The following NRG2 variants were observed in gnomAD, a reference collection of about 807,000 sequenced individuals.
NRG2 encodes the protein neuregulin 2, also known as pro-neuregulin-2, membrane-bound isoform.
Under a neutral mutation model 73.9 loss-of-function variants are expected in NRG2, and 27 were observed. The observed-to-expected ratio is 0.37, with a 90% CI of 0.27 to 0.50. NRG2 has a LOEUF of 0.50. NRG2 is among the 20% of genes least tolerant of loss of function. NRG2 has a pLI of 0.96. For synonymous variants in NRG2, 532 were observed against 541.0 expected, an observed-to-expected ratio of 0.98 and a Z score of 0.23; for missense variants, 1,126 against 1,210.1, an observed-to-expected ratio of 0.93 and a Z score of 1.03.
intron 2 of NRG2, among the ~76,000 whole-genome samples, chr5:139,883,000 C>T (rs899599863): frequency 6.6e-6 from 1 of 152,028 alleles, no homozygotes; most frequent in Non-Finnish European, 1.5e-5. Context: ...GAAGCCGGCC[C>T]CAGAGATGCA....
At chr5:139,874,071 C>T (rs1456474338) in intron 3 of NRG2, among the ~76,000 whole-genome samples, 1 of 152,214 alleles carries the variant, frequency 6.6e-6, no homozygotes, top group African/African-American at 2.4e-5. Flanking sequence ...TCTGTAATGG[C>T]AGGGCCTTCC....
chr5:139,977,323 A>T (rs1756452148), intron 1 of NRG2, among the ~76,000 whole-genome samples: 1 of 152,200 alleles, frequency 6.6e-6, no homozygotes, highest in South Asian at 2.1e-4. Context: ...GAGGGGAATG[A>T]TTATGAACCA....
intron 1 of NRG2, among the ~76,000 whole-genome samples, chr5:140,015,559 G>A (rs909592154): frequency 1.1e-4 from 16 of 152,186 alleles, no homozygotes; most frequent in African/African-American, 3.9e-4. Flanking sequence ...GAAAATGAAT[G>A]AGGTAGGACT....
At chr5:139,858,412 C>T (rs1401838939) in intron 5 of NRG2, among the ~76,000 whole-genome samples, 1 of 152,222 alleles carries the variant, frequency 6.6e-6, no homozygotes, top group Non-Finnish European at 1.5e-5. Context: ...GCTACACTAG[C>T]ACCCCACTCC....
At chr5:139,957,462 G>C (rs571227741) in intron 1 of NRG2, among the ~76,000 whole-genome samples, 1 of 152,172 alleles carries the variant, frequency 6.6e-6, no homozygotes, top group Non-Finnish European at 1.5e-5. Flanking sequence ...AGGTAAGGCA[G>C]CTGGGAAGGA....
intron 4 of NRG2, among the ~76,000 whole-genome samples, chr5:139,867,801 A>T (rs71587297): frequency 0.026 from 2,045 of 78,688 alleles, 12 homozygotes; most frequent in South Asian, 0.049. Flanking sequence ...TGTGTGTATG[A>T]GTGTGTGTGT....
At chr5:139,854,722 C>T (rs1211762082) in intron 6 of NRG2, among the ~76,000 whole-genome samples, 1 of 152,214 alleles carries the variant, frequency 6.6e-6, no homozygotes, top group Non-Finnish European at 1.5e-5. Context: ...TCTGTCCAGT[C>T]CAGACCCTTG....
chr5:139,926,781 G>A (rs1752091225), intron 1 of NRG2, among the ~76,000 whole-genome samples: 1 of 152,090 alleles, frequency 6.6e-6, no homozygotes, highest in African/African-American at 2.4e-5. Flanking sequence ...CTTTCCTGTT[G>A]TCTTGTTTGG....
chr5:139,960,367 T>C (rs1754968591), intron 1 of NRG2, among the ~76,000 whole-genome samples: 1 of 152,048 alleles, frequency 6.6e-6, no homozygotes, highest in Non-Finnish European at 1.5e-5. Flanking sequence ...ATATAAAAAT[T>C]AGCTGGGCAC....
chr5:139,889,771 G>T (rs980709126), intron 1 of NRG2, among the ~76,000 whole-genome samples: 6 of 152,110 alleles, frequency 3.9e-5, no homozygotes, highest in Non-Finnish European at 7.4e-5. Flanking sequence ...TTTCAATCCA[G>T]ACTTTGCTAC....
In NRG2 at chr5:139,847,862, C is replaced by G. The variant is rs1581752178; in HGVS notation, c.*55G>C. The G allele has an allele frequency of 2.6e-6, 3 of 1,141,860 alleles. No individual in the cohort carries two copies. 70.7% of individuals were successfully genotyped at this position (1,141,860 alleles called of 1,614,324 possible). On this transcript the variant is annotated 3_prime_UTR_variant, in exon 10 of 10. Coordinates refer to ENST00000361474, the MANE Select transcript of NRG2 (RefSeq NM_004883.3). ...CTCCTTTCTCTCCAGTAGGCGGTCT[C>G]TGGTCTCCTTAAAGATAGTGGGGCG...
At chr5:140,035,931 T>C (rs551081003) in intron 1 of NRG2, among the ~76,000 whole-genome samples, 40 of 152,332 alleles carry the variant, frequency 2.6e-4, no homozygotes, top group Non-Finnish European at 5.3e-4. Context: ...TCTGCGTTGC[T>C]TGCAGAATAC....
intron 1 of NRG2, among the ~76,000 whole-genome samples, chr5:139,949,571 TC>T (rs2126458604): frequency 6.6e-6 from 1 of 152,344 alleles, no homozygotes; most frequent in African/African-American, 2.4e-5. Context: ...TTGTCAGACT[TC>T]TGTACATATA....
At chr5:140,011,733 C>A (rs544508667) in intron 1 of NRG2, among the ~76,000 whole-genome samples, 4 of 152,288 alleles carry the variant, frequency 2.6e-5, no homozygotes, top group African/African-American at 9.6e-5. Context: ...TTATTTGTAG[C>A]CTTGTGAAAG....
chr5:139,848,614 T>G lies in NRG2; in HGVS notation c.1856A>C (p.Glu619Ala), dbSNP rs765292406. ...GTGCGCCGAGTTGGGGGACGTGATC[T>G]CGAAAGTTGGCACCTGCGTGGCCAG... is the stretch of plus-strand genomic sequence containing the variant. ...YSLATQVPTFEITSPNSAHAV... is the reference protein window; with the variant it reads ...YSLATQVPTFAITSPNSAHAV... Residue 619 changes from glutamate to alanine, a missense_variant, in exon 10 of 10, where the codon GAG (glutamate) becomes GCG (alanine). By Grantham distance (107) the Glu-to-Ala change is moderately radical (BLOSUM62 -1). This residue lies in a region of NRG2 where 539 missense variants were observed against 703.2 expected (regional missense o/e 0.77). Transcript: ENST00000361474. 3.5e-5 allele frequency: 55 copies of G among 1,577,532 alleles called. No individual in the cohort carries two copies. The highest frequency in any genetic ancestry group is 4.7e-5 in the Non-Finnish European group (55 of 1,171,560).
intron 1 of NRG2, among the ~76,000 whole-genome samples, chr5:140,029,183 G>C (rs1461009286): frequency 3.3e-5 from 5 of 152,146 alleles, no homozygotes; most frequent in Admixed American, 3.3e-4. Flanking sequence ...ATTTTGGGGT[G>C]TTTTGCCATA....
In NRG2 at chr5:140,042,551, C is replaced by G. The variant is rs1395040829; in HGVS notation, c.519G>C (p.Gly173=). 8.0e-5 allele frequency: 129 copies of G among 1,611,714 alleles called. No homozygotes were observed. Among genetic ancestry groups the G allele is most frequent in the Non-Finnish European group, 1.1e-4 (125 of 1,178,888 alleles). ...VLDKWPLRSG[G]LQREQVISVG... ...CGCTGATCACCTGCTCGCGCTGCAG[C>G]CCCCCGCTCCGGAGCGGCCACTTGT... The change falls in exon 1 of 10, where the codon GGG becomes GGC. Residue 173 remains glycine, a synonymous_variant. Transcript: ENST00000361474.
intron 1 of NRG2, among the ~76,000 whole-genome samples, chr5:139,901,094 G>T (rs1186276617): frequency 1.3e-5 from 2 of 152,124 alleles, no homozygotes; most frequent in African/African-American, 2.4e-5. Context: ...AGACCTACTG[G>T]CCATCCGATT....
At chr5:139,849,017 T>C (rs1170780815) in intron 9 of NRG2, among the ~76,000 whole-genome samples, 1 of 152,144 alleles carries the variant, frequency 6.6e-6, no homozygotes, top group Non-Finnish European at 1.5e-5. Context: ...GAATGGTCAC[T>C]TGCTGTGGGA....
Sources: allele counts gnomAD v4.1 joint callset (sites outside exome capture counted in the v4.1 genomes callset), GRCh38; gene constraint gnomAD v4.1.1; regional missense constraint gnomAD v4.1.1; transcripts MANE v1.5; gene names NCBI Gene and HGNC (gene_info 2026-07-23, HGNC 2026-07-21).